Variants in SDK1 observed in about 807,000 individuals in gnomAD.
SDK1 encodes sidekick cell adhesion molecule 1, also known as protein sidekick-1.
SDK1 carries 157 observed loss-of-function variants against 245.5 expected under a neutral mutation model. The observed-to-expected ratio is 0.64, with a 90% CI of 0.56 to 0.73. The LOEUF is 0.73. Ranked by LOEUF, SDK1 falls within the 30% of genes least tolerant of loss-of-function variation. SDK1 has a pLI of 0.00. For synonymous variants in SDK1, 1,647 were observed against 1,278.5 expected (o/e 1.29, Z -6.15); for missense variants, 3,583 against 3,002.3 (o/e 1.19, Z -4.52).
At chr7:3,696,524 T>C (rs1784575553) in intron 4 of SDK1, among the ~76,000 whole-genome samples, 1 of 151,984 alleles carries the variant, frequency 6.6e-6, no homozygotes, top group Non-Finnish European at 1.5e-5. Flanking sequence ...TGCTCTGTAA[T>C]ATGTAGTCCA....
At chr7:3,687,277 C>T (rs907079756) in intron 4 of SDK1, among the ~76,000 whole-genome samples, 3 of 151,638 alleles carry the variant, frequency 2.0e-5, no homozygotes, top group Admixed American at 6.6e-5. Flanking sequence ...TACAGGCACA[C>T]GTCACCACAC....
chr7:3,593,938 T>C (rs1010524244), intron 1 of SDK1, among the ~76,000 whole-genome samples: 1 of 152,232 alleles, frequency 6.6e-6, no homozygotes, highest in Admixed American at 6.5e-5. Flanking sequence ...ATATATCATT[T>C]TAACAACTTT....
intron 1 of SDK1, among the ~76,000 whole-genome samples, chr7:3,335,538 A>G (rs1177894305): frequency 1.3e-5 from 2 of 152,038 alleles, no homozygotes; most frequent in South Asian, 2.1e-4. Flanking sequence ...ATATTTGCCA[A>G]ATGGAAGATG....
chr7:4,165,465 T>G (rs1272937427), intron 32 of SDK1, among the ~76,000 whole-genome samples: 1 of 152,192 alleles, frequency 6.6e-6, no homozygotes, highest in Non-Finnish European at 1.5e-5. Flanking sequence ...AGTAGGACAG[T>G]CAATCCTTGC....
chr7:3,396,951 T>C (rs887436897), intron 1 of SDK1, among the ~76,000 whole-genome samples: 1 of 151,758 alleles, frequency 6.6e-6, no homozygotes, highest in Admixed American at 6.6e-5. Context: ...CATGACTGCT[T>C]TCTTTTGTGT....
At chr7:3,447,589 TA>T (rs1780379344) in intron 1 of SDK1, among the ~76,000 whole-genome samples, 1 of 152,194 alleles carries the variant, frequency 6.6e-6, no homozygotes, top group Non-Finnish European at 1.5e-5. Context: ...ATGAATGTAC[TA>T]ATTAATTCAG....
At chr7:3,768,985 C>T (rs577173688) in intron 4 of SDK1, among the ~76,000 whole-genome samples, 32 of 152,226 alleles carry the variant, frequency 2.1e-4, no homozygotes, top group African/African-American at 4.1e-4. Context: ...ATAGGTGTGC[C>T]GGGTGACATC....
intron 22 of SDK1, among the ~76,000 whole-genome samples, chr7:4,079,940 C>T (rs1584054359): frequency 6.6e-6 from 1 of 152,204 alleles, no homozygotes; most frequent in East Asian, 1.9e-4. Context: ...CTTGGTACAG[C>T]TTGTGTGTCA....
At chr7:3,949,804 C>G (rs1459379324) in intron 5 of SDK1, among the ~76,000 whole-genome samples, 1 of 152,012 alleles carries the variant, frequency 6.6e-6, no homozygotes, top group Non-Finnish European at 1.5e-5. Context: ...GTTTGATACT[C>G]AAAAAACATA....
chr7:3,792,433 G>A (rs755697997), intron 4 of SDK1, among the ~76,000 whole-genome samples: 10 of 152,148 alleles, frequency 6.6e-5, no homozygotes, highest in Non-Finnish European at 1.0e-4. Context: ...GGCATGCACC[G>A]TGACTTATAT....
rs1562397740 is a variant in SDK1, at chr7:3,723,935, TATATATATAGAGAGAG to T, written c.713+81832_713+81847del. On this transcript the variant is annotated intron_variant, in intron 4 of 44. Coordinates refer to ENST00000404826, the MANE Select transcript of SDK1 (RefSeq NM_152744.4). ...ATATATATATACACGTATATATATATATATATATAGAGAGAGAGAGAGAGAGAGAGAGAGAGAGAGA... is the reference window on the plus strand; with the variant it reads ...ATATATATATACACGTATATATATATAGAGAGAGAGAGAGAGAGAGAGAGA... 9.1e-5 allele frequency among the ~76,000 whole-genome samples: 11 copies of T among 120,324 alleles called. 1 individual carries two copies. The highest frequency in any genetic ancestry group is 8.4e-4 in the South Asian group (3 of 3,556). 78.9% of individuals were successfully genotyped at this position (120,324 alleles called of 152,430 possible).
chr7:3,636,023 C>G (rs1303316502), intron 2 of SDK1, among the ~76,000 whole-genome samples: 1 of 152,200 alleles, frequency 6.6e-6, no homozygotes, highest in Admixed American at 6.5e-5. Context: ...GTACCTTATT[C>G]AACTGCAATG....
intron 4 of SDK1, among the ~76,000 whole-genome samples, chr7:3,761,449 A>G (rs185876643): frequency 0.013 from 1,946 of 151,352 alleles, 48 homozygotes; most frequent in African/African-American, 0.045. Context: ...AGTTACTCGG[A>G]AGGCTGAGGC....
intron 5 of SDK1, among the ~76,000 whole-genome samples, chr7:3,865,979 T>G (rs368688982): frequency 6.6e-6 from 1 of 152,180 alleles, no homozygotes; most frequent in African/African-American, 2.4e-5. Context: ...GCGGACCTGC[T>G]GGTACACAGA....
chr7:3,534,462 C>T (rs578142053), intron 1 of SDK1, among the ~76,000 whole-genome samples: 1 of 152,236 alleles, frequency 6.6e-6, no homozygotes, highest in African/African-American at 2.4e-5. Context: ...AACCTCCATA[C>T]CATTTTCCAT....
intron 1 of SDK1, among the ~76,000 whole-genome samples, chr7:3,533,255 G>T (rs1783409860): frequency 6.6e-6 from 1 of 152,098 alleles, no homozygotes; most frequent in East Asian, 1.9e-4. Flanking sequence ...CCAACATGTG[G>T]TGATGCTAAG....
Position 3,568,984 on chromosome 7 carries a change from C to T in SDK1, c.299-50096C>T, listed in dbSNP as rs193234722. 7.4e-5 allele frequency among the ~76,000 whole-genome samples: 11 copies of T among 148,872 alleles called. 1 individual carries two copies. In the South Asian group the frequency reaches 1.5e-3, roughly 20 times the overall value. On this transcript the variant is annotated intron_variant, in intron 1 of 44. Transcript: ENST00000404826. ...TTAGTTTAAGTTCTCTAATTTATTG[C>T]CGAATATTTAGTGTGGCATATGTTT...
chr7:3,923,186 C>T (rs866787653), intron 5 of SDK1, among the ~76,000 whole-genome samples: 1 of 152,182 alleles, frequency 6.6e-6, no homozygotes, highest in African/African-American at 2.4e-5. Context: ...TGGTTGATCT[C>T]AAGCAGTGTA....
intron 30 of SDK1, among the ~76,000 whole-genome samples, chr7:4,153,516 G>A (rs1780524380): frequency 6.6e-6 from 1 of 152,192 alleles, no homozygotes; most frequent in Admixed American, 6.5e-5. Context: ...AACCTGAGCG[G>A]CGGAGATTGC....
Sources: gnomAD v4.1 joint callset for allele counts (sites outside exome capture counted in the v4.1 genomes callset) on GRCh38, gnomAD v4.1.1 for gene constraint, MANE v1.5 for transcripts, NCBI Gene and HGNC (gene_info 2026-07-23, HGNC 2026-07-21) for gene names.